Variants in SHANK2 observed in about 807,000 individuals in gnomAD.
The protein encoded by SHANK2 is SH3 and multiple ankyrin repeat domains protein 2.
SHANK2 carries 43 observed loss-of-function variants against 133.7 expected under a neutral mutation model. The observed-to-expected ratio is 0.32, with a 90% CI of 0.25 to 0.41. The LOEUF is 0.41. SHANK2 is among the 10% of genes least tolerant of loss of function. The probability of loss-of-function intolerance (pLI) is 1.00; values close to 1 mark genes in which losing one functional copy is unlikely to be tolerated. For synonymous variants in SHANK2, 1,017 were observed against 952.8 expected (o/e 1.07, Z -1.24); for missense variants, 1,994 against 2,235.8 (o/e 0.89, Z 2.18).
rs1473589496 is a variant in SHANK2, at chr11:70,830,284, G to A, written c.1175-9602C>T. 6.6e-6 allele frequency among the ~76,000 whole-genome samples: 1 copy of A among 152,214 alleles called. No homozygotes were observed. Among genetic ancestry groups the A allele is most frequent in the Non-Finnish European group, 1.5e-5 (1 of 68,042 alleles). On this transcript the variant is annotated intron_variant, in intron 11 of 25. Transcript: ENST00000601538. The surrounding 1 kb of genome is among the most constrained non-coding windows in gnomAD (Gnocchi z 4.4). ...TTTATGAGCATGTCCGTGGCCTGAA[G>A]CCTGCCCTGCCTGCCTGGCTGGGAG... is the stretch of plus-strand genomic sequence containing the variant.
At chr11:70,789,207 C>T (rs528290709) in intron 14 of SHANK2, among the ~76,000 whole-genome samples, 4 of 152,168 alleles carry the variant, frequency 2.6e-5, no homozygotes, top group Non-Finnish European at 4.4e-5. Flanking sequence ...TATGAATAAG[C>T]GGGGATCATA....
At chr11:70,585,302 G>A (rs2060234549) in intron 17 of SHANK2, among the ~76,000 whole-genome samples, 1 of 152,174 alleles carries the variant, frequency 6.6e-6, no homozygotes, top group South Asian at 2.1e-4. Context: ...CAGCTGGATG[G>A]GCTGATTTTT....
At chr11:70,784,852 T>C (rs1486748729) in intron 14 of SHANK2, among the ~76,000 whole-genome samples, 3 of 152,272 alleles carry the variant, frequency 2.0e-5, no homozygotes, top group Non-Finnish European at 4.4e-5. Flanking sequence ...CAACCGCCAC[T>C]GCTAAGAGCC....
Position 70,502,894 on chromosome 11 carries a change from T to A in SHANK2, c.2099A>T (p.Gln700Leu). The stretch of plus-strand genomic sequence containing the variant: ...TCCCTGCCGGATCATGTTCACCACC[T>A]GCCTGTGGCCGACTTTGACAACATT... ...NENVVKVGHR[Q>L]VVNMIRQGGN... Residue 700 changes from glutamine (Q) to leucine (L), a missense_variant, in exon 18 of 26, where the codon CAG (glutamine) becomes CTG (leucine). Physicochemically the swap from Gln to Leu is moderately radical, Grantham distance 113. Coordinates refer to ENST00000601538, the MANE Select transcript of SHANK2 (RefSeq NM_012309.5). The A allele has an allele frequency of 6.2e-7, 1 of 1,614,162 alleles. No homozygotes were observed. The highest frequency in any genetic ancestry group is 8.5e-7 in the Non-Finnish European group (1 of 1,180,032).
intron 17 of SHANK2, among the ~76,000 whole-genome samples, chr11:70,536,362 C>T (rs2059544247): frequency 6.6e-6 from 1 of 152,182 alleles, no homozygotes; most frequent in African/African-American, 2.4e-5. Flanking sequence ...ACCGGAGCTG[C>T]GTCAGTGTGT....
At chr11:71,166,561 A>G (rs1160839123) in intron 2 of SHANK2, among the ~76,000 whole-genome samples, 3 of 149,212 alleles carry the variant, frequency 2.0e-5, no homozygotes, top group African/African-American at 7.5e-5. Context: ...GCTCATTGCA[A>G]CCTCCACCTC....
intron 17 of SHANK2, among the ~76,000 whole-genome samples, chr11:70,625,539 G>A (rs1554999641): frequency 6.6e-6 from 1 of 152,124 alleles, no homozygotes; most frequent in Non-Finnish European, 1.5e-5. Flanking sequence ...CTCCCAGGAG[G>A]TGAAGGCAAA....
At chr11:71,114,789 T>C (rs1555100024) in intron 4 of SHANK2, among the ~76,000 whole-genome samples, 1 of 152,114 alleles carries the variant, frequency 6.6e-6, no homozygotes, top group Non-Finnish European at 1.5e-5. Flanking sequence ...CTGAGAATGA[T>C]GCCAGGTGCC....
At chr11:71,084,770 C>T (rs1951355322) in intron 8 of SHANK2, among the ~76,000 whole-genome samples, 2 of 152,206 alleles carry the variant, frequency 1.3e-5, no homozygotes, top group Admixed American at 6.5e-5. Flanking sequence ...TGGTAAGAGA[C>T]AGGCCAGGAG....
chr11:70,661,744 T>C, intron 15 of SHANK2, 66 bp from the exon 16 acceptor site: 1 of 1,614,070 alleles, frequency 6.2e-7, no homozygotes, highest in Non-Finnish European at 8.5e-7. Flanking sequence ...CGGCCGCTCC[T>C]CCGCCGGGGA....
intron 1 of SHANK2, among the ~76,000 whole-genome samples, chr11:71,233,651 T>C (rs1244158982): frequency 1.3e-5 from 2 of 152,210 alleles, no homozygotes; most frequent in African/African-American, 4.8e-5. Context: ...ACAAATTCTC[T>C]AAGAAATCCG....
intron 17 of SHANK2, among the ~76,000 whole-genome samples, chr11:70,611,161 A>T (rs1221827406): frequency 6.6e-6 from 1 of 152,210 alleles, no homozygotes; most frequent in East Asian, 1.9e-4. Flanking sequence ...TTTCAAAAGG[A>T]GTTTGGAGGT....
chr11:70,851,256 G>T (rs1247380197), intron 11 of SHANK2, among the ~76,000 whole-genome samples: 1 of 152,154 alleles, frequency 6.6e-6, no homozygotes, highest in Non-Finnish European at 1.5e-5. Flanking sequence ...TTGTAGCTGG[G>T]GCTCCTAATT....
chr11:70,937,031 G>A (rs1349379599), intron 10 of SHANK2, among the ~76,000 whole-genome samples: 1 of 152,118 alleles, frequency 6.6e-6, no homozygotes. Context: ...TTTTAAGTTG[G>A]AAGACCGAGA....
chr11:70,940,628 C>T (rs1424586345), intron 10 of SHANK2, among the ~76,000 whole-genome samples: 10 of 152,080 alleles, frequency 6.6e-5, no homozygotes, highest in African/African-American at 1.9e-4. Context: ...TAATTCCCCC[C>T]AGAACCGACT....
At chr11:70,676,448 C>T (rs2134358374) in intron 15 of SHANK2, among the ~76,000 whole-genome samples, 1 of 152,332 alleles carries the variant, frequency 6.6e-6, no homozygotes, top group East Asian at 1.9e-4. Flanking sequence ...GTAGGACGTG[C>T]TATGGGGACA....
At chr11:71,250,254 A>C (rs1461024254) in intron 1 of SHANK2, among the ~76,000 whole-genome samples, 1 of 152,210 alleles carries the variant, frequency 6.6e-6, no homozygotes, top group African/African-American at 2.4e-5. Context: ...ACCTCCTTCC[A>C]AAGGGACCCA....
At chr11:70,642,362 T>A (rs1460528337) in intron 17 of SHANK2, among the ~76,000 whole-genome samples, 1 of 151,104 alleles carries the variant, frequency 6.6e-6, no homozygotes, top group Non-Finnish European at 1.5e-5. Context: ...GGGGGGGAAA[T>A]GCCCAGGATA....
At chr11:70,516,272 AACAG>A (rs1245250086) in intron 17 of SHANK2, among the ~76,000 whole-genome samples, 3 of 152,244 alleles carry the variant, frequency 2.0e-5, no homozygotes, top group Admixed American at 6.5e-5. Context: ...CTGGTGAAAG[AACAG>A]ACAAATAGAC....
Sources: allele counts gnomAD v4.1 joint callset (sites outside exome capture counted in the v4.1 genomes callset), GRCh38; gene constraint gnomAD v4.1.1; non-coding constraint Gnocchi (gnomAD v3.1); transcripts MANE v1.5; gene names NCBI Gene and HGNC (gene_info 2026-07-23, HGNC 2026-07-21).